Variants in C10orf90 observed in about 807,000 individuals in gnomAD.
C10orf90 encodes (E2-independent) E3 ubiquitin-conjugating enzyme FATS.
C10orf90 carries 56 observed loss-of-function variants against 62.5 expected under a neutral mutation model. The observed-to-expected ratio is 0.90, with a 90% CI of 0.72 to 1.12. The LOEUF (loss-of-function observed/expected upper bound fraction) is 1.12, where lower values mean the gene tolerates loss of function less well. Ranked by LOEUF, C10orf90 falls within the 50% of genes most tolerant of loss-of-function variation. The pLI is 0.00. For missense variants in C10orf90, 970 were observed against 880.4 expected, an observed-to-expected ratio of 1.10 and a Z score of -1.29; for synonymous variants, 386 against 340.4, an observed-to-expected ratio of 1.13 and a Z score of -1.47.
At chr10:126,545,374 C>T (rs538763770) in intron 2 of C10orf90, among the ~76,000 whole-genome samples, 2 of 152,280 alleles carry the variant, frequency 1.3e-5, no homozygotes, top group South Asian at 2.1e-4. Flanking sequence ...CCTTGTTCTT[C>T]CCCTTTTATA....
chr10:126,439,325 A>C (rs142630625), intron 7 of C10orf90, among the ~76,000 whole-genome samples: 3 of 152,196 alleles, frequency 2.0e-5, no homozygotes, highest in Admixed American at 6.5e-5. Flanking sequence ...TTTTCCCCCA[A>C]TGAAACCAGT....
chr10:126,573,556 C>A (rs1387588447), intron 2 of C10orf90, among the ~76,000 whole-genome samples: 6 of 152,146 alleles, frequency 3.9e-5, no homozygotes, highest in Non-Finnish European at 7.3e-5. Flanking sequence ...TGGATCAGGA[C>A]CCCTGTCCAG....
intron 2 of C10orf90, among the ~76,000 whole-genome samples, chr10:126,565,104 T>C (rs1440588451): frequency 4.6e-5 from 2 of 43,380 alleles, no homozygotes; most frequent in Non-Finnish European, 8.3e-5. Flanking sequence ...ATATAATATA[T>C]AAAATATATA....
chr10:126,512,365 T>C lies in C10orf90; in HGVS notation c.405+1483A>G, dbSNP rs1204386145. Among the ~76,000 whole-genome samples the C allele has an allele frequency of 1.7e-4, 10 of 59,066 alleles. 1 individual carries two copies. The South Asian group carries it at 2.9e-3, about 17-fold the overall frequency. The allele number at this position is 59,066 out of a possible 152,430, so 38.7% of individuals were successfully genotyped here. ...GTGTGTGTGTCTGTGTGTGTGTGTATGTGTGTCTGTGTGTGTGTGTCTGTG... is the reference window on the plus strand; with the variant it reads ...GTGTGTGTGTCTGTGTGTGTGTGTACGTGTGTCTGTGTGTGTGTGTCTGTG... On this transcript the variant is annotated intron_variant, in intron 3 of 9. Transcript: ENST00000488181.
At chr10:126,576,541 C>T (rs116078869) in intron 2 of C10orf90, among the ~76,000 whole-genome samples, 3,346 of 151,506 alleles carry the variant, frequency 0.022, 52 homozygotes, top group African/African-American at 0.045. Context: ...AATAGAACTA[C>T]TCTATGATTC....
chr10:126,468,734 G>A (rs1860419754), intron 4 of C10orf90, among the ~76,000 whole-genome samples: 1 of 152,160 alleles, frequency 6.6e-6, no homozygotes, highest in Non-Finnish European at 1.5e-5. Context: ...GGGACTGGGG[G>A]TGGCGGAATT....
chr10:126,455,426 C>T (rs1192311750), intron 7 of C10orf90, among the ~76,000 whole-genome samples: 8 of 152,180 alleles, frequency 5.3e-5, no homozygotes, highest in African/African-American at 1.7e-4. Context: ...TTGGCAAACT[C>T]CTTTCATGGC....
intron 2 of C10orf90, among the ~76,000 whole-genome samples, chr10:126,577,824 G>A (rs1844657667): frequency 6.6e-6 from 1 of 152,010 alleles, no homozygotes; most frequent in African/African-American, 2.4e-5. Flanking sequence ...AATCAATAGA[G>A]GGTCCAGAAA....
chr10:126,633,578 G>A (rs1290660534), intron 2 of C10orf90, among the ~76,000 whole-genome samples: 1 of 152,184 alleles, frequency 6.6e-6, no homozygotes, highest in Non-Finnish European at 1.5e-5. Flanking sequence ...CAGGCGTGGG[G>A]ACGGGCTGAG....
At chr10:126,621,942 AC>A (rs1181810449) in intron 2 of C10orf90, among the ~76,000 whole-genome samples, 2 of 151,798 alleles carry the variant, frequency 1.3e-5, no homozygotes, top group African/African-American at 2.4e-5. Context: ...CACCATTTCT[AC>A]CACCCCTGCC....
chr10:126,480,945 ACTC>A (rs1861132131), intron 4 of C10orf90, among the ~76,000 whole-genome samples: 1 of 151,296 alleles, frequency 6.6e-6, no homozygotes, highest in African/African-American at 2.4e-5. Context: ...TAAATCGCAA[ACTC>A]CTCCTGGTGT....
At chr10:126,652,470 T>G (rs1303914936) in intron 1 of C10orf90, among the ~76,000 whole-genome samples, 2 of 152,178 alleles carry the variant, frequency 1.3e-5, no homozygotes, top group South Asian at 4.1e-4. Flanking sequence ...GGTTCTGATA[T>G]GAAAATGAGA....
chr10:126,481,680 T>C (rs925269890), intron 4 of C10orf90, among the ~76,000 whole-genome samples: 4 of 152,286 alleles, frequency 2.6e-5, no homozygotes, highest in Admixed American at 6.5e-5. Context: ...AACACCACCC[T>C]AAAATGAAGA....
At chr10:126,666,749 C>T (rs1370362342) in intron 1 of C10orf90, among the ~76,000 whole-genome samples, 4 of 151,900 alleles carry the variant, frequency 2.6e-5, no homozygotes, top group Non-Finnish European at 5.9e-5. Context: ...GAGATCAAGG[C>T]GGGCGGATCA....
At chr10:126,567,118 G>A (rs1156893455) in intron 2 of C10orf90, among the ~76,000 whole-genome samples, 1 of 152,120 alleles carries the variant, frequency 6.6e-6, no homozygotes, top group Non-Finnish European at 1.5e-5. Context: ...ACAGCCATGG[G>A]GATTGTATTA....
At chr10:126,512,386 CTG>C (rs1196641250) in intron 3 of C10orf90, among the ~76,000 whole-genome samples, 49 of 13,352 alleles carry the variant, frequency 3.7e-3, no homozygotes, top group African/African-American at 6.6e-3. Context: ...GTGTGTGTGT[CTG>C]TGTGTGTGTG....
intron 4 of C10orf90, among the ~76,000 whole-genome samples, chr10:126,489,584 T>C (rs982265272): frequency 2.6e-5 from 4 of 151,988 alleles, no homozygotes; most frequent in Admixed American, 6.6e-5. Flanking sequence ...CGAGTGTTGG[T>C]GAAGTTGTGG....
intron 4 of C10orf90, among the ~76,000 whole-genome samples, chr10:126,496,244 T>C (rs1049898753): frequency 1.3e-5 from 2 of 152,130 alleles, no homozygotes; most frequent in Non-Finnish European, 2.9e-5. Flanking sequence ...TTCATATAAC[T>C]GAAAGAGTTA....
intron 2 of C10orf90, among the ~76,000 whole-genome samples, chr10:126,519,198 C>T (rs1863611665): frequency 6.6e-6 from 1 of 151,930 alleles, no homozygotes; most frequent in South Asian, 2.1e-4. Context: ...GTGGCATAGC[C>T]CAAGCCACAG....
Sources: allele counts gnomAD v4.1 joint callset (sites outside exome capture counted in the v4.1 genomes callset), GRCh38; gene constraint gnomAD v4.1.1; transcripts MANE v1.5; gene names NCBI Gene and HGNC (gene_info 2026-07-23, HGNC 2026-07-21).